Variants in TMEM41B observed in about 807,000 individuals in gnomAD.
The protein encoded by TMEM41B is protein stasimon.
TMEM41B carries 18 observed loss-of-function variants against 31.9 expected under a neutral mutation model. That is an observed-to-expected ratio of 0.56 (90% CI 0.39 to 0.84). The LOEUF (loss-of-function observed/expected upper bound fraction) is 0.84. TMEM41B is among the 40% of genes least tolerant of loss of function. The probability of loss-of-function intolerance (pLI) is 0.00; values close to 1 mark genes in which losing one functional copy is unlikely to be tolerated. For synonymous variants in TMEM41B, 144 were observed against 124.3 expected (o/e 1.16, Z -1.05); for missense variants, 322 against 348.0 (o/e 0.93, Z 0.59).
chr11:9,295,944 C>T (rs960422748), intron 2 of TMEM41B, among the ~76,000 whole-genome samples: 1 of 151,986 alleles, frequency 6.6e-6, no homozygotes, highest in African/African-American at 2.4e-5. Context: ...GCAACCTCCA[C>T]CTCCTGGATT....
chr11:9,286,924 C>T (rs934527632), intron 5 of TMEM41B, among the ~76,000 whole-genome samples: 15 of 151,220 alleles, frequency 9.9e-5, no homozygotes, highest in African/African-American at 2.4e-4. Flanking sequence ...CGCTTGAACC[C>T]GGGAGGCAGA....
At chr11:9,296,871 C>G (rs1342733780) in intron 2 of TMEM41B, among the ~76,000 whole-genome samples, 1 of 152,154 alleles carries the variant, frequency 6.6e-6, no homozygotes, top group East Asian at 1.9e-4. Context: ...CTTAGGAAAG[C>G]CTCGAATAAT....
intron 2 of TMEM41B, 148 bp from the exon 3 acceptor site, chr11:9,295,535 A>T: frequency 3.4e-6 from 2 of 584,662 alleles, no homozygotes; most frequent in East Asian, 3.1e-5. Flanking sequence ...AAAGTTTATA[A>T]TTTTTCTTTT....
chr11:9,294,073 C>T (rs796851921), intron 3 of TMEM41B, among the ~76,000 whole-genome samples: 7 of 149,170 alleles, frequency 4.7e-5, no homozygotes, highest in South Asian at 2.1e-4. Flanking sequence ...TCCAGCTACT[C>T]GGGAGGCTGA....
At chr11:9,312,133 C>G (rs1853575082) in intron 1 of TMEM41B, among the ~76,000 whole-genome samples, 1 of 152,164 alleles carries the variant, frequency 6.6e-6, no homozygotes. Context: ...ATCTCCCTAC[C>G]CACACACATA....
Position 9,314,391 on chromosome 11 carries a change from C to A in TMEM41B, c.51G>T (p.Thr17=), listed in dbSNP as rs1488002689. ...AERSQLGAHH[T]TPVGDGAAGT... ...CCGCTGCCCCGTCCCCCACGGGGGT[C>A]GTGTGGTGAGCGCCCAACTGCGATC... The change falls in exon 1 of 7, where the codon ACG becomes ACT. Residue 17 remains threonine, a synonymous_variant. Transcript: ENST00000528080. 1.3e-6 allele frequency: 2 copies of A among 1,573,196 alleles called. No homozygotes were observed. Among genetic ancestry groups the A allele is most frequent in the Non-Finnish European group, 1.7e-6 (2 of 1,159,652 alleles).
chr11:9,284,156 T>G lies in TMEM41B; in HGVS notation c.707-563A>C, dbSNP rs75782360. Among the ~76,000 whole-genome samples, 14 of 151,848 alleles carry G rather than the reference T, an allele frequency of 9.2e-5. No individual in the cohort carries two copies. In the East Asian group the frequency reaches 1.6e-3, roughly 17 times the overall value. ...TTACATTTATCAAAAATGCTTTTGT[T>G]TTCTCCCCCCGAGAGTTTGACTCTA... On this transcript the variant is annotated intron_variant, in intron 6 of 6. Transcript: ENST00000528080.
At chr11:9,288,808 T>TC (rs1852893462) in intron 3 of TMEM41B, among the ~76,000 whole-genome samples, 1 of 152,110 alleles carries the variant, frequency 6.6e-6, no homozygotes, top group Non-Finnish European at 1.5e-5. Flanking sequence ...GAAAAGGTCT[T>TC]CCGTAATCTT....
chr11:9,291,919 G>C (rs906081712), intron 3 of TMEM41B, among the ~76,000 whole-genome samples: 4 of 152,014 alleles, frequency 2.6e-5, no homozygotes, highest in African/African-American at 9.7e-5. Flanking sequence ...TCTTGGTCAG[G>C]TTGGTCTTGA....
rs754806005 is a variant in TMEM41B at position 9,283,444 on chromosome 11, G to T, written c.856C>A (p.Leu286Ile). The T allele has an allele frequency of 2.5e-6, 4 of 1,600,442 alleles. No individual in the cohort carries two copies. The Admixed American group carries it at 5.3e-5, about 21-fold the overall frequency. ...SILPAIFQKK[L>I]KQKFE is the part of the protein sequence containing the mutation. ...TATTTTTACTCAAATTTCTGCTTTA[G>T]TTTTTTTTGGAAGATGGCTGGCAGA... The change falls in exon 7 of 7, where the codon CTA becomes ATA. Residue 286 changes from leucine to isoleucine, a missense_variant. Transcript: ENST00000528080.
chr11:9,307,364 G>A (rs1853425332), intron 1 of TMEM41B, among the ~76,000 whole-genome samples: 1 of 152,014 alleles, frequency 6.6e-6, no homozygotes, highest in East Asian at 1.9e-4. Flanking sequence ...TATTTCAACG[G>A]TCTTAAACTA....
chr11:9,299,174 G>A (rs1256181000), intron 2 of TMEM41B, among the ~76,000 whole-genome samples: 2 of 150,830 alleles, frequency 1.3e-5, no homozygotes, highest in Non-Finnish European at 3.0e-5. Context: ...CCAGCTACTC[G>A]AGAGGCTGAG....
chr11:9,291,019 G>A (rs867784726), intron 3 of TMEM41B, among the ~76,000 whole-genome samples: 2 of 152,042 alleles, frequency 1.3e-5, no homozygotes, highest in Non-Finnish European at 2.9e-5. Flanking sequence ...AGGAGGCTGG[G>A]AAACGAGAAT....
intron 3 of TMEM41B, among the ~76,000 whole-genome samples, chr11:9,293,140 T>G (rs1590376498): frequency 6.6e-6 from 1 of 152,212 alleles, no homozygotes; most frequent in African/African-American, 2.4e-5. Context: ...ACAGTCTCAC[T>G]GTCACCTAGG....
chr11:9,311,736 CA>C (rs1200691803), intron 1 of TMEM41B: 87 of 691,262 alleles, frequency 1.3e-4, no homozygotes, highest in Non-Finnish European at 2.1e-4. Flanking sequence ...GGGCTTGATG[CA>C]TTCTCAAGAG....
chr11:9,303,650 C>CTTT (rs71062827), intron 1 of TMEM41B, among the ~76,000 whole-genome samples: 50 of 104,762 alleles, frequency 4.8e-4, no homozygotes, highest in Middle Eastern at 5.6e-3. Context: ...TATTCTTTTT[C>CTTT]TTTTTTTTTT....
intron 1 of TMEM41B, among the ~76,000 whole-genome samples, chr11:9,300,144 A>G (rs1244284694): frequency 1.3e-5 from 2 of 152,140 alleles, no homozygotes; most frequent in Non-Finnish European, 2.9e-5. Context: ...ATAATTAATT[A>G]TATTTAAGCA....
rs976740398 is a variant in TMEM41B at position 9,280,847 on chromosome 11, T to A, written c.*2577A>T. ...CGCACCACAGATGCTTGTCTTCTTG[T>A]GGTTGTTACCACAAGCCAAAGCTTG... is the stretch of plus-strand genomic sequence containing the variant. On this transcript the variant is annotated 3_prime_UTR_variant, in exon 7 of 7. Transcript: ENST00000528080. 2 of 152,226 alleles carry A rather than the reference T, an allele frequency of 1.3e-5. No homozygotes were observed. Among genetic ancestry groups the A allele is most frequent in the African/African-American group, 4.8e-5 (2 of 41,462 alleles). 9.4% of individuals were successfully genotyped at this position (152,226 alleles called of 1,614,324 possible). A position where few individuals can be genotyped will look rare whatever the true frequency, so the allele number is the denominator to read the frequency against.
At chr11:9,298,740 A>T (rs1732980527) in intron 2 of TMEM41B, among the ~76,000 whole-genome samples, 1 of 151,432 alleles carries the variant, frequency 6.6e-6, no homozygotes. Context: ...CACTTACTCC[A>T]GCCTGGGCGA....
Sources: allele counts gnomAD v4.1 joint callset (sites outside exome capture counted in the v4.1 genomes callset), GRCh38; gene constraint gnomAD v4.1.1; transcripts MANE v1.5; gene names NCBI Gene and HGNC (gene_info 2026-07-23, HGNC 2026-07-21).